The following RIMS2 variants were observed in gnomAD, a reference collection of about 807,000 sequenced individuals.
RIMS2 encodes regulating synaptic membrane exocytosis 2.
RIMS2 carries 59 observed loss-of-function variants against 174.4 expected under a neutral mutation model. The ratio of observed to expected loss-of-function variants is 0.34; its 90% confidence interval spans 0.27 to 0.42. The LOEUF (loss-of-function observed/expected upper bound fraction) is 0.42, where lower values mean the gene tolerates loss of function less well. Among genes scored for constraint, RIMS2 ranks in the 10% least tolerant of loss-of-function variants. The pLI, the probability that RIMS2 is intolerant of heterozygous loss-of-function variation, is 1.00. For synonymous variants in RIMS2, 606 were observed against 572.5 expected (o/e 1.06, Z -0.84); for missense variants, 1,620 against 1,666.3 (o/e 0.97, Z 0.48).
In RIMS2 at chr8:104,165,245, A is replaced by G. The variant is rs139430661; in HGVS notation, c.3335-79671A>G. Among the ~76,000 whole-genome samples the G allele has an allele frequency of 1.5e-3, 235 of 152,282 alleles. 2 individuals carry two copies. Among genetic ancestry groups the G allele is most frequent in the African/African-American group, 5.2e-3 (215 of 41,576 alleles). On this transcript the variant is annotated intron_variant, in intron 19 of 23. Coordinates refer to ENST00000504942, the Ensembl canonical transcript of RIMS2. ...ACACCAAGTGGTGTGCATTATTTGT[A>G]TATTTGAGTACACTTTCATATATTT...
chr8:103,568,987 C>A, intron 1 of RIMS2: 1 of 530,142 alleles, frequency 1.9e-6, no homozygotes, highest in East Asian at 3.6e-5. Flanking sequence ...TCACCGTGTT[C>A]CTATCGCTCT....
Position 103,956,715 on chromosome 8 carries a change from C to CA in RIMS2, c.2702-4346dup, listed in dbSNP as rs1177848021. Among the ~76,000 whole-genome samples, 3 of 152,078 alleles carry CA rather than the reference C, an allele frequency of 2.0e-5. No individual in the cohort carries two copies. The East Asian group carries it at 5.8e-4, about 29-fold the overall frequency. Reference sequence around the variant, plus strand: ...GGCAAAGACTTCATGACTAAAACACCAAAAGCAATGGCAACAAAAGCCAAA... The same window carrying CA: ...GGCAAAGACTTCATGACTAAAACACCAAAAAGCAATGGCAACAAAAGCCAAA... On this transcript the variant is annotated intron_variant, in intron 14 of 23. Coordinates refer to ENST00000504942, the Ensembl canonical transcript of RIMS2.
chr8:104,200,563 T>C (rs1052625829), intron 19 of RIMS2, among the ~76,000 whole-genome samples: 2 of 152,178 alleles, frequency 1.3e-5, no homozygotes, highest in African/African-American at 4.8e-5. Flanking sequence ...AACATATGTA[T>C]TTTTAAATAT....
At chr8:104,134,670 A>G (rs1408106364) in intron 19 of RIMS2, among the ~76,000 whole-genome samples, 1 of 152,196 alleles carries the variant, frequency 6.6e-6, no homozygotes, top group Non-Finnish European at 1.5e-5. Context: ...AGGCACAAAT[A>G]AGATTAATTT....
At position 103,589,705 on chromosome 8, in the gene RIMS2, TAAAG is replaced by T. The variant is rs556182086; in HGVS notation, c.176+88647_176+88650del. Among the ~76,000 whole-genome samples, 930 of 151,598 alleles carry T rather than the reference TAAAG, an allele frequency of 6.1e-3. 12 individuals carry two copies. The highest frequency in any genetic ancestry group is 0.021 in the African/African-American group (879 of 41,454). ...AAGTGTTTACACACAGAGGAATAGA[TAAAG>T]AAATTGTGATATATATGCAAAATGG... On this transcript the variant is annotated intron_variant, in intron 1 of 23. Coordinates refer to ENST00000504942, the Ensembl canonical transcript of RIMS2.
At chr8:103,847,280 G>A (rs2098972801) in intron 3 of RIMS2, among the ~76,000 whole-genome samples, 1 of 151,970 alleles carries the variant, frequency 6.6e-6, no homozygotes, top group Non-Finnish European at 1.5e-5. Context: ...TACGTATCGG[G>A]GGCATAGCAG....
intron 3 of RIMS2, among the ~76,000 whole-genome samples, chr8:103,774,066 C>T (rs532753174): frequency 6.6e-5 from 10 of 152,052 alleles, no homozygotes; most frequent in South Asian, 2.1e-4. Flanking sequence ...TGCTTGAACC[C>T]GGGAGGCAGA....
At chr8:104,058,345 C>G (rs1186369254) in intron 19 of RIMS2, among the ~76,000 whole-genome samples, 19 of 147,092 alleles carry the variant, frequency 1.3e-4, no homozygotes, top group African/African-American at 4.1e-4. Context: ...TTTCATGTGT[C>G]TTTTGGCTGC....
At chr8:103,586,549 A>T (rs75178533) in intron 1 of RIMS2, among the ~76,000 whole-genome samples, 4 of 152,282 alleles carry the variant, frequency 2.6e-5, no homozygotes, top group African/African-American at 9.6e-5. Context: ...GTTGAAATAA[A>T]TGATAATGGA....
intron 2 of RIMS2, among the ~76,000 whole-genome samples, chr8:103,697,851 C>A (rs1475118364): frequency 6.6e-6 from 1 of 151,990 alleles, no homozygotes; most frequent in East Asian, 1.9e-4. Context: ...ATGGTGAAAC[C>A]CCATGTCTAC....
chr8:103,836,771 G>A (rs1196255775), intron 3 of RIMS2, among the ~76,000 whole-genome samples: 1 of 152,146 alleles, frequency 6.6e-6, no homozygotes, highest in Non-Finnish European at 1.5e-5. Context: ...TAAATCTGAT[G>A]ATGAAAATAC....
intron 2 of RIMS2, among the ~76,000 whole-genome samples, chr8:103,749,108 C>T (rs1271209483): frequency 1.6e-5 from 2 of 121,958 alleles, no homozygotes; most frequent in Non-Finnish European, 3.6e-5. Flanking sequence ...CATATGCTTT[C>T]TATTTTTTTT....
chr8:103,550,829 C>T (rs1012173164), intron 1 of RIMS2, among the ~76,000 whole-genome samples: 1 of 152,104 alleles, frequency 6.6e-6, no homozygotes, highest in Non-Finnish European at 1.5e-5. Context: ...CTATAAACAC[C>T]TCTGCGCAAA....
At chr8:103,749,173 G>C (rs1335663576) in intron 2 of RIMS2, among the ~76,000 whole-genome samples, 5 of 146,790 alleles carry the variant, frequency 3.4e-5, no homozygotes, top group African/African-American at 1.3e-4. Context: ...GTGCAGTGGC[G>C]TGATCTCGGC....
At chr8:103,696,881 A>C (rs2097109232) in intron 1 of RIMS2, among the ~76,000 whole-genome samples, 1 of 151,250 alleles carries the variant, frequency 6.6e-6, no homozygotes, top group African/African-American at 2.4e-5. Flanking sequence ...AAAAAAAAAA[A>C]AAAAGAAGGT....
intron 19 of RIMS2, among the ~76,000 whole-genome samples, chr8:104,091,070 G>C (rs905870022): frequency 6.6e-6 from 1 of 151,616 alleles, no homozygotes; most frequent in African/African-American, 2.4e-5. Flanking sequence ...AGCAAGCCTT[G>C]GAGATAGGCA....
intron 1 of RIMS2, among the ~76,000 whole-genome samples, chr8:103,600,158 T>C (rs761220392): frequency 6.6e-6 from 1 of 152,190 alleles, no homozygotes; most frequent in Non-Finnish European, 1.5e-5. Flanking sequence ...TGTTTGTCTT[T>C]CCGTGCCTGT....
At chr8:103,568,644 A>G in intron 1 of RIMS2, 1 of 622,388 alleles carries the variant, frequency 1.6e-6, no homozygotes, top group Non-Finnish European at 3.1e-6. Flanking sequence ...TGCACTTTGT[A>G]TCTTTTCTAG....
intron 19 of RIMS2, among the ~76,000 whole-genome samples, chr8:104,120,079 C>T (rs58472141): frequency 0.017 from 2,634 of 152,236 alleles, 132 homozygotes; most frequent in East Asian, 0.15. Context: ...TCTTAGCCCT[C>T]TGTGAAATCT....
Sources: allele counts gnomAD v4.1 joint callset (sites outside exome capture counted in the v4.1 genomes callset), GRCh38; gene constraint gnomAD v4.1.1; transcripts MANE v1.5; gene names NCBI Gene and HGNC (gene_info 2026-07-23, HGNC 2026-07-21).